The following WDR7 variants were observed in gnomAD, a reference collection of about 807,000 sequenced individuals.
The protein encoded by WDR7 is WD repeat-containing protein 7.
Under a neutral mutation model 169.4 loss-of-function variants are expected in WDR7, and 46 were observed. That is an observed-to-expected ratio of 0.27 (90% CI 0.21 to 0.35). The LOEUF (loss-of-function observed/expected upper bound fraction) is 0.35, where lower values mean the gene tolerates loss of function less well. Among genes scored for constraint, WDR7 ranks in the 10% least tolerant of loss-of-function variants. The pLI is 1.00. For synonymous variants in WDR7, 612 were observed against 666.8 expected (o/e 0.92, Z 1.27); for missense variants, 1,534 against 1,859.3 (o/e 0.83, Z 3.22).
intron 16 of WDR7, among the ~76,000 whole-genome samples, chr18:56,769,122 T>C (rs1467958668): frequency 6.6e-6 from 1 of 152,186 alleles, no homozygotes; most frequent in Non-Finnish European, 1.5e-5. Flanking sequence ...TTATGAAACA[T>C]GCTACTTGAG....
chr18:56,812,524 C>G (rs1187120947), intron 19 of WDR7, among the ~76,000 whole-genome samples: 1 of 152,120 alleles, frequency 6.6e-6, no homozygotes. Context: ...GCTGGAATGT[C>G]CCAGGATAGG....
Position 56,681,411 on chromosome 18 carries a change from ACT to A in WDR7, c.345+23_345+24del, listed in dbSNP as rs2025347877. The A allele has an allele frequency of 2.7e-6, 4 of 1,472,206 alleles. No individual in the cohort carries two copies. The highest frequency in any genetic ancestry group is 1.4e-5 in the African/African-American group (1 of 69,184). The allele number at this position is 1,472,206 out of a possible 1,614,324, so 91.2% of individuals were successfully genotyped here. On this transcript the variant is annotated intron_variant, in intron 4 of 27. Transcript: ENST00000254442. The stretch of plus-strand genomic sequence containing the variant: ...ATACAGGTTAGTTTCTATTTCTGTG[ACT>A]CTAAGTACAAACTATTATAAGTATA...
Position 56,756,819 on chromosome 18 carries a change from C to G in WDR7, c.2226C>G (p.Leu742=). 6.2e-7 allele frequency: 1 copy of G among 1,614,054 alleles called. No homozygotes were observed. The highest frequency in any genetic ancestry group is 2.2e-5 in the East Asian group (1 of 44,880). Residue 742 remains leucine (L), a synonymous_variant, in exon 15 of 28, where the codon CTC becomes CTG. Coordinates refer to ENST00000254442, the MANE Select transcript of WDR7 (RefSeq NM_015285.3). ...TAACTGGAAAACGAGCAGCAGTTCT[C>G]TTCCAACAAGTGAAAGAAACGATCA... is the stretch of plus-strand genomic sequence containing the variant. ...SFLTGKRAAV[L]FQQVKETIKE...
chr18:56,908,573 G>A (rs116158890), intron 21 of WDR7, among the ~76,000 whole-genome samples: 1,903 of 152,262 alleles, frequency 0.012, 34 homozygotes, highest in African/African-American at 0.043. Context: ...GTCAGACAGA[G>A]GCTGTCAAGT....
At chr18:56,702,671 T>A (rs193176560) in intron 12 of WDR7, among the ~76,000 whole-genome samples, 25 of 152,290 alleles carry the variant, frequency 1.6e-4, no homozygotes, top group Non-Finnish European at 2.9e-4. Context: ...TTATTTACAT[T>A]TTAAAAACAC....
rs146595775 is a variant in WDR7 at position 56,822,002 on chromosome 18, A to G, written c.3304+5858A>G. Among the ~76,000 whole-genome samples, 331 of 152,160 alleles carry G rather than the reference A, an allele frequency of 2.2e-3. 2 individuals are homozygous for G. The highest frequency in any genetic ancestry group is 7.5e-3 in the African/African-American group (311 of 41,524). ...TGACAGAACAAGACTCTGTCTCAAT[A>G]AAAACAAAGGAAAAACTGGGCTCAC... On this transcript the variant is annotated intron_variant, in intron 20 of 27. Transcript: ENST00000254442.
chr18:56,991,950 C>T (rs1350122877), intron 26 of WDR7, among the ~76,000 whole-genome samples: 1 of 152,094 alleles, frequency 6.6e-6, no homozygotes, highest in African/African-American at 2.4e-5. Context: ...TGTATTTTGC[C>T]TGATTTTTAA....
At chr18:56,918,393 C>T (rs1373069098) in intron 21 of WDR7, among the ~76,000 whole-genome samples, 4 of 151,966 alleles carry the variant, frequency 2.6e-5, no homozygotes, top group African/African-American at 9.7e-5. Flanking sequence ...TCTTTAGTTC[C>T]CCCAGGATAG....
intron 13 of WDR7, among the ~76,000 whole-genome samples, chr18:56,723,572 C>T (rs79789181): frequency 0.034 from 5,217 of 152,216 alleles, 301 homozygotes; most frequent in African/African-American, 0.12. Flanking sequence ...AGAAATCTGT[C>T]AACCTTATGT....
chr18:56,911,720 A>G (rs1212484518), intron 21 of WDR7, among the ~76,000 whole-genome samples: 1 of 152,212 alleles, frequency 6.6e-6, no homozygotes, highest in Admixed American at 6.5e-5. Flanking sequence ...TATGATTTTA[A>G]TCTCCACTGG....
chr18:56,890,731 C>A (rs923458596), intron 21 of WDR7: 1 of 152,160 alleles, frequency 6.6e-6, no homozygotes, highest in African/African-American at 2.4e-5. Context: ...TCTGGCCTTC[C>A]TATCTGGCTC....
At chr18:56,848,411 C>T (rs1401993885) in intron 20 of WDR7, among the ~76,000 whole-genome samples, 1 of 152,108 alleles carries the variant, frequency 6.6e-6, no homozygotes, top group Admixed American at 6.5e-5. Context: ...TCAGATCAGA[C>T]TTTGGTCTTT....
chr18:56,763,852 T>C (rs1431682656), intron 16 of WDR7, among the ~76,000 whole-genome samples: 1 of 152,164 alleles, frequency 6.6e-6, no homozygotes, highest in Non-Finnish European at 1.5e-5. Context: ...AAGTTGTGTG[T>C]AATCTTTTAT....
intron 20 of WDR7, among the ~76,000 whole-genome samples, chr18:56,868,979 C>T (rs1357130662): frequency 6.6e-6 from 1 of 152,048 alleles, no homozygotes; most frequent in African/African-American, 2.4e-5. Context: ...AAAAAATTAA[C>T]TTGTTATTCA....
chr18:56,672,459 A>C, intron 1 of WDR7, 38 bp from the exon 2 acceptor site: 1 of 1,393,964 alleles, frequency 7.2e-7, no homozygotes. Context: ...TTTCGAGAGA[A>C]ATATTGTAAT....
intron 19 of WDR7, among the ~76,000 whole-genome samples, chr18:56,786,954 G>T (rs1316630134): frequency 6.6e-6 from 1 of 151,358 alleles, no homozygotes; most frequent in Non-Finnish European, 1.5e-5. Context: ...AATTACTTTT[G>T]CACCAACCTA....
chr18:56,805,952 G>A (rs2044766681), intron 19 of WDR7, among the ~76,000 whole-genome samples: 1 of 152,058 alleles, frequency 6.6e-6, no homozygotes, highest in Admixed American at 6.6e-5. Context: ...AGATGCGCCA[G>A]GGACTTTTAG....
At chr18:56,694,578 TA>T in intron 9 of WDR7, 40 bp from the exon 10 acceptor site, 3 of 1,544,468 alleles carry the variant, frequency 1.9e-6, no homozygotes, top group East Asian at 4.5e-5. Context: ...ATATTTTGAT[TA>T]AAAATACAGC....
At chr18:56,787,008 A>T in intron 19 of WDR7, among the ~76,000 whole-genome samples, 1 of 152,068 alleles carries the variant, frequency 6.6e-6, no homozygotes, top group South Asian at 2.1e-4. Flanking sequence ...TTGCATTATA[A>T]TTCAGATGAA....
Sources: gnomAD v4.1 joint callset for allele counts (sites outside exome capture counted in the v4.1 genomes callset) on GRCh38, gnomAD v4.1.1 for gene constraint, MANE v1.5 for transcripts, NCBI Gene and HGNC (gene_info 2026-07-23, HGNC 2026-07-21) for gene names.